The following ATF7IP variants were observed in gnomAD, a reference collection of about 807,000 sequenced individuals.
ATF7IP encodes activating transcription factor 7 interacting protein, also known as activating transcription factor 7-interacting protein 1.
A neutral mutation model predicts 106.4 loss-of-function variants in ATF7IP; 23 were observed. That is an observed-to-expected ratio of 0.22 (90% confidence interval 0.16 to 0.31). The LOEUF (loss-of-function observed/expected upper bound fraction) is 0.31. Among genes scored for constraint, ATF7IP ranks in the 10% least tolerant of loss-of-function variants. The pLI is 1.00. For missense variants in ATF7IP, 1,334 were observed against 1,524.3 expected (o/e 0.88, Z 2.08); for synonymous variants, 542 against 539.0 (o/e 1.01, Z -0.08).
Position 14,481,161 on chromosome 12 carries a change from G to A in ATF7IP, c.3256G>A (p.Val1086Ile), listed in dbSNP as rs150319310. The A allele has an allele frequency of 1.1e-5, 17 of 1,613,740 alleles. No individual in the cohort carries two copies. The African/African-American group carries it at 2.0e-4, about 19-fold the overall frequency. ...LRGTVMQAPAVRQVNPQNSVT... is the reference protein window; with the variant it reads ...LRGTVMQAPAIRQVNPQNSVT... The stretch of plus-strand genomic sequence containing the variant: ...AGGAACTGTTATGCAGGCTCCTGCT[G>A]TTCGGCAGGTCAATCCCCAAAATAG... The change falls in exon 13 of 15, where the codon GTT becomes ATT. Residue 1086 changes from valine (V) to isoleucine (I), a missense_variant. Transcript: ENST00000261168.
chr12:14,497,761 G>C lies in ATF7IP; in HGVS notation c.3501G>C (p.Lys1167Asn). The C allele has an allele frequency of 6.2e-7, 1 of 1,614,154 alleles. No individual in the cohort carries two copies. The highest frequency in any genetic ancestry group is 8.5e-7 in the Non-Finnish European group (1 of 1,180,026). Reference sequence around the variant, plus strand: ...CTCTGCCTCAGAAGCCACACTTGAAGTTAGCACGCGTTCAGAGTCAAAATG... The same window carrying C: ...CTCTGCCTCAGAAGCCACACTTGAACTTAGCACGCGTTCAGAGTCAAAATG... The part of the protein sequence containing the change: ...STSLPQKPHL[K>N]LARVQSQNGI... Residue 1167 changes from lysine to asparagine, a missense_variant, in exon 15 of 15, where the codon AAG (lysine) becomes AAC (asparagine). Coordinates refer to ENST00000261168, the MANE Select transcript of ATF7IP (RefSeq NM_018179.5).
chr12:14,374,690 T>G (rs1938663623), intron 1 of ATF7IP, among the ~76,000 whole-genome samples: 1 of 152,138 alleles, frequency 6.6e-6, no homozygotes, highest in Non-Finnish European at 1.5e-5. Context: ...GTTCAAAATC[T>G]TAGAGCCAGA....
In ATF7IP at chr12:14,461,063, G is replaced by A; in HGVS notation, c.2727G>A (p.Met909Ile). ...SPSTNRGPIQ[M>I]KIPISAFSTS... is the part of the protein sequence containing the mutation. The stretch of plus-strand genomic sequence containing the variant: ...CAACTAATCGAGGTCCTATACAGAT[G>A]AAAATTCCAATTTCTGCATTTAGTA... The change falls in exon 9 of 15, where the codon ATG becomes ATA. Residue 909 changes from methionine to isoleucine, a missense_variant. Met to Ile is a conservative substitution (Grantham distance 10). Transcript: ENST00000261168. 6.2e-7 allele frequency: 1 copy of A among 1,614,106 alleles called. No individual in the cohort carries two copies. The highest frequency in any genetic ancestry group is 8.5e-7 in the Non-Finnish European group (1 of 1,180,016).
intron 1 of ATF7IP, among the ~76,000 whole-genome samples, chr12:14,382,447 C>T (rs1386062300): frequency 1.3e-5 from 2 of 152,082 alleles, no homozygotes; most frequent in Non-Finnish European, 2.9e-5. Flanking sequence ...CTTTTGTTTC[C>T]TGTAGATTTT....
intron 1 of ATF7IP, among the ~76,000 whole-genome samples, chr12:14,370,101 C>G (rs1046426630): frequency 1.3e-5 from 2 of 152,064 alleles, no homozygotes; most frequent in African/African-American, 2.4e-5. Context: ...CTATGCCCGG[C>G]TAATTTTGTA....
chr12:14,492,487 G>A (rs1489217424), intron 13 of ATF7IP, among the ~76,000 whole-genome samples: 1 of 150,682 alleles, frequency 6.6e-6, no homozygotes, highest in Non-Finnish European at 1.5e-5. Context: ...AGGGGTTCTT[G>A]GTCTGTAAAC....
intron 12 of ATF7IP, 125 bp from the exon 13 acceptor site, chr12:14,480,878 A>C: frequency 1.3e-6 from 1 of 769,060 alleles, no homozygotes; most frequent in Non-Finnish European, 2.1e-6. Context: ...ATAAAAGGAG[A>C]CTGTTATTTC....
At chr12:14,481,704 G>A (rs943255510) in intron 13 of ATF7IP, 9 of 364,636 alleles carry the variant, frequency 2.5e-5, no homozygotes, top group African/African-American at 1.5e-4. Context: ...TATTAGTATA[G>A]TACACAATTT....
At chr12:14,463,710 T>C (rs1246667646) in intron 9 of ATF7IP, among the ~76,000 whole-genome samples, 1 of 152,086 alleles carries the variant, frequency 6.6e-6, no homozygotes, top group Non-Finnish European at 1.5e-5. Context: ...GGGGTAGGAA[T>C]AGTGTTAGGA....
At chr12:14,436,699 TAATAAATA>T (rs1170263686) in intron 4 of ATF7IP, among the ~76,000 whole-genome samples, 1 of 151,578 alleles carries the variant, frequency 6.6e-6, no homozygotes, top group South Asian at 2.1e-4. Context: ...CTCAAAAAAA[TAATAAATA>T]AATAAATAAA....
At chr12:14,378,630 T>C (rs7138036) in intron 1 of ATF7IP, among the ~76,000 whole-genome samples, 7,756 of 152,246 alleles carry the variant, frequency 0.051, 674 homozygotes, top group African/African-American at 0.18. Context: ...AATTAAATCA[T>C]TCATTTAGTC....
intron 2 of ATF7IP, among the ~76,000 whole-genome samples, chr12:14,429,411 T>A (rs1240615941): frequency 6.6e-6 from 1 of 152,166 alleles, no homozygotes; most frequent in Non-Finnish European, 1.5e-5. Context: ...ACGTGCTTTT[T>A]TTTCTTAAAC....
chr12:14,388,662 C>T (rs1288929744), intron 1 of ATF7IP, among the ~76,000 whole-genome samples: 2 of 151,954 alleles, frequency 1.3e-5, no homozygotes, highest in Non-Finnish European at 2.9e-5. Context: ...TCTTTCTTTA[C>T]TGGAGACAGA....
At chr12:14,463,073 A>G (rs573087805) in intron 9 of ATF7IP, among the ~76,000 whole-genome samples, 2 of 152,206 alleles carry the variant, frequency 1.3e-5, no homozygotes, top group East Asian at 3.9e-4. Flanking sequence ...GCAGTGCCAT[A>G]AATGACGTTA....
chr12:14,494,284 AATATATATATAT>A (rs747194414), intron 13 of ATF7IP, among the ~76,000 whole-genome samples: 1,019 of 53,770 alleles, frequency 0.019, 38 homozygotes, highest in African/African-American at 0.043. Flanking sequence ...GAGCTAATAG[AATATATATATAT>A]ATATATATAT....
chr12:14,443,336 C>T (rs955888816), intron 5 of ATF7IP, among the ~76,000 whole-genome samples: 3 of 152,136 alleles, frequency 2.0e-5, no homozygotes, highest in African/African-American at 7.2e-5. Context: ...ATGAGACTTC[C>T]ATTAGATGAA....
chr12:14,481,312 A>G (rs1944420788), intron 13 of ATF7IP, 127 bp downstream of exon 13: 2 of 804,820 alleles, frequency 2.5e-6, no homozygotes, highest in Non-Finnish European at 3.9e-6. Flanking sequence ...AAGTATTGTT[A>G]TAAGTTCAAG....
chr12:14,460,033 A>C (rs561431415), intron 8 of ATF7IP, among the ~76,000 whole-genome samples: 1 of 152,342 alleles, frequency 6.6e-6, no homozygotes, highest in African/African-American at 2.4e-5. Flanking sequence ...AAATACGATG[A>C]GTAAGCCTAC....
intron 8 of ATF7IP, among the ~76,000 whole-genome samples, chr12:14,459,746 A>G (rs1943569008): frequency 6.6e-6 from 1 of 152,260 alleles, no homozygotes; most frequent in Non-Finnish European, 1.5e-5. Context: ...TCAATGAGAA[A>G]GAAGTTTGGT....
Sources: gnomAD v4.1 joint callset for allele counts (sites outside exome capture counted in the v4.1 genomes callset) on GRCh38, gnomAD v4.1.1 for gene constraint, MANE v1.5 for transcripts, NCBI Gene and HGNC (gene_info 2026-07-23, HGNC 2026-07-21) for gene names.